DNAJA1: variants seen among roughly 807,000 people sequenced by gnomAD.
The protein encoded by DNAJA1 is DnaJ heat shock protein family (Hsp40) member A1, also known as dnaJ homolog subfamily A member 1.
Under a neutral mutation model 47.6 loss-of-function variants are expected in DNAJA1, and 26 were observed. The ratio of observed to expected loss-of-function variants is 0.55; its 90% CI spans 0.40 to 0.76. DNAJA1 has a LOEUF of 0.76. Among genes scored for constraint, DNAJA1 ranks in the 30% least tolerant of loss-of-function variants. The pLI, the probability that DNAJA1 is intolerant of heterozygous loss-of-function variation, is 0.00. For synonymous variants in DNAJA1, 165 were observed against 158.4 expected, an observed-to-expected ratio of 1.04 and a Z score of -0.31; for missense variants, 315 against 485.0, an observed-to-expected ratio of 0.65 and a Z score of 3.29.
At position 33,039,168 on chromosome 9, in the gene DNAJA1, G is replaced by A; in HGVS notation, c.*265G>A. 4.6e-6 allele frequency: 2 copies of A among 438,658 alleles called. No homozygotes were observed. 27.2% of individuals were successfully genotyped at this position (438,658 alleles called of 1,614,324 possible). A position where few individuals can be genotyped will look rare whatever the true frequency, so the allele number is the denominator to read the frequency against. On this transcript the variant is annotated 3_prime_UTR_variant, in exon 9 of 9. Coordinates refer to ENST00000330899, the MANE Select transcript of DNAJA1 (RefSeq NM_001539.4). ...CCCTAGCATTTCTAGGCCAAACCTTGTAATTGACTTCAGCTATGTACGTGG... is the reference window on the plus strand; with the variant it reads ...CCCTAGCATTTCTAGGCCAAACCTTATAATTGACTTCAGCTATGTACGTGG...
chr9:33,036,710 T>C, intron 7 of DNAJA1, 21 bp downstream of exon 7: 1 of 1,546,464 alleles, frequency 6.5e-7, no homozygotes, highest in Non-Finnish European at 8.9e-7. Flanking sequence ...TAGGCAAGCT[T>C]AAACTTCTCT....
At chr9:33,028,397 T>C (rs913673000) in intron 3 of DNAJA1, among the ~76,000 whole-genome samples, 1 of 152,156 alleles carries the variant, frequency 6.6e-6, no homozygotes, top group East Asian at 1.9e-4. Context: ...TCCAGTATAG[T>C]GTATACAAAT....
At chr9:33,026,408 C>T in intron 1 of DNAJA1, 67 bp from the exon 2 acceptor site, 1 of 1,550,460 alleles carries the variant, frequency 6.4e-7, no homozygotes. Flanking sequence ...ATTGCTCGGC[C>T]TTAGCTCTCT....
At chr9:33,028,290 T>C (rs1564012111) in intron 3 of DNAJA1, among the ~76,000 whole-genome samples, 1 of 152,200 alleles carries the variant, frequency 6.6e-6, no homozygotes, top group Non-Finnish European at 1.5e-5. Flanking sequence ...GTGTCAAAAT[T>C]ATGTATTTAA....
At position 33,038,961 on chromosome 9, in the gene DNAJA1, G is replaced by A; in HGVS notation, c.*58G>A. ...TAATGTGCAGTAGTGAATGAGTGAA[G>A]GACTGTAATCATAATATGCTCACTA... On this transcript the variant is annotated 3_prime_UTR_variant, in exon 9 of 9. Coordinates refer to ENST00000330899, the MANE Select transcript of DNAJA1 (RefSeq NM_001539.4). 1 of 1,438,160 alleles carries A rather than the reference G, an allele frequency of 7.0e-7. No individual in the cohort carries two copies. The highest frequency in any genetic ancestry group is 9.6e-7 in the Non-Finnish European group (1 of 1,044,136). 89.1% of individuals were successfully genotyped at this position (1,438,160 alleles called of 1,614,324 possible). A position where few individuals can be genotyped will look rare whatever the true frequency, so the allele number is the denominator to read the frequency against.
intron 5 of DNAJA1, among the ~76,000 whole-genome samples, chr9:33,031,310 C>T (rs946978412): frequency 2.6e-5 from 4 of 152,180 alleles, no homozygotes; most frequent in African/African-American, 7.2e-5. Flanking sequence ...GTTGGCCAGG[C>T]TGATCTCGAA....
chr9:33,030,747 C>A, intron 5 of DNAJA1, 80 bp downstream of exon 5: 2 of 1,218,608 alleles, frequency 1.6e-6, no homozygotes, highest in Non-Finnish European at 2.3e-6. Flanking sequence ...GTTTAAAAAT[C>A]ATTCTTAATT....
chr9:33,027,838 G>C (rs1184164461), intron 3 of DNAJA1, among the ~76,000 whole-genome samples: 1 of 151,470 alleles, frequency 6.6e-6, no homozygotes, highest in Admixed American at 6.6e-5. Flanking sequence ...CAACAAGAGT[G>C]AATCTCTGTC....
chr9:33,027,729 A>C (rs1838895196), intron 3 of DNAJA1, among the ~76,000 whole-genome samples: 1 of 151,956 alleles, frequency 6.6e-6, no homozygotes, highest in Non-Finnish European at 1.5e-5. Flanking sequence ...GGGCATCTGC[A>C]ATCCCAGCTC....
At position 33,039,560 on chromosome 9, in the gene DNAJA1, T is replaced by TAA. The variant is rs1019065931; in HGVS notation, c.*658_*659dup. 24 of 145,172 alleles carry TAA rather than the reference T, an allele frequency of 1.7e-4. No homozygotes were observed. Among genetic ancestry groups the TAA allele is most frequent in the African/African-American group, 4.9e-4 (20 of 40,468 alleles). 9.0% of individuals were successfully genotyped at this position (145,172 alleles called of 1,614,324 possible). On this transcript the variant is annotated 3_prime_UTR_variant, in exon 9 of 9. Transcript: ENST00000330899. ...TCATATATATATACATATATATATA[T>TAA]AATCTTGACCAGTCCTGGTCATTTG...
Position 33,026,793 on chromosome 9 carries a change from A to T in DNAJA1, c.133-20A>T, listed in dbSNP as rs770112813. On this transcript the variant is annotated intron_variant, in intron 2 of 8. Transcript: ENST00000330899. ...ACTTGTTTTTTAAAAAATGAAATTC[A>T]CTCCTCTTTTCTCAAACAGTTTAAA... The T allele has an allele frequency of 4.5e-5, 72 of 1,602,672 alleles. No homozygotes were observed. The highest frequency in any genetic ancestry group is 6.0e-5 in the Non-Finnish European group (71 of 1,175,736).
intron 4 of DNAJA1, 148 bp from the exon 5 acceptor site, chr9:33,030,292 G>C (rs1409716234): frequency 1.2e-5 from 9 of 736,284 alleles, no homozygotes; most frequent in Middle Eastern, 3.9e-4. Context: ...TCATTGGAAT[G>C]ATCTCATCAG....
At chr9:33,033,159 T>C (rs1315968996) in intron 5 of DNAJA1, among the ~76,000 whole-genome samples, 1 of 148,296 alleles carries the variant, frequency 6.7e-6, no homozygotes, top group Non-Finnish European at 1.5e-5. Flanking sequence ...GCACGAAGTC[T>C]CAGTTTAAAA....
intron 3 of DNAJA1, among the ~76,000 whole-genome samples, chr9:33,028,426 C>A (rs1450020187): frequency 6.6e-6 from 1 of 152,100 alleles, no homozygotes; most frequent in African/African-American, 2.4e-5. Flanking sequence ...ATGAGCAGAA[C>A]CAGTTTTAGA....
intron 5 of DNAJA1, among the ~76,000 whole-genome samples, chr9:33,031,859 C>T (rs1480141672): frequency 6.6e-6 from 1 of 152,144 alleles, no homozygotes; most frequent in African/African-American, 2.4e-5. Context: ...TTCCCTAACC[C>T]ATTGGGCTCC....
Position 33,038,706 on chromosome 9 carries a change from T to C in DNAJA1, c.997T>C (p.Phe333Leu), listed in dbSNP as rs780305363. Residue 333 changes from phenylalanine to leucine, a missense_variant, in exon 9 of 9, where the codon TTT becomes CTT. Around this residue, in one of 4 missense-constraint regions of DNAJA1, gnomAD observed 162 missense variants for 185.4 expected, o/e 0.87. Transcript: ENST00000330899. ...GAAGGTAAACTTTCCTGAGAATGGC[T>C]TTCTCTCTCCTGATAAACTGTCTTT... ...EFKVNFPENG[F>L]LSPDKLSLLE... 1 of 1,614,016 alleles carries C rather than the reference T, an allele frequency of 6.2e-7. No homozygotes were observed. Among genetic ancestry groups the C allele is most frequent in the Middle Eastern group, 1.6e-4 (1 of 6,062 alleles).
At position 33,026,478 on chromosome 9, in the gene DNAJA1, G is replaced by A; in HGVS notation, c.-7G>A. 1 of 1,602,782 alleles carries A rather than the reference G, an allele frequency of 6.2e-7. No homozygotes were observed. The highest frequency in any genetic ancestry group is 8.5e-7 in the Non-Finnish European group (1 of 1,177,334). ...AAGTTGCATTTTCTTATTTCAGGCA[G>A]TAGAAGATGGTGAAAGAAACAACTT... On this transcript the variant is annotated 5_prime_UTR_variant, in exon 2 of 9. Transcript: ENST00000330899.
At chr9:33,033,205 A>AT (rs1336340919) in intron 5 of DNAJA1, among the ~76,000 whole-genome samples, 1 of 151,212 alleles carries the variant, frequency 6.6e-6, no homozygotes, top group Non-Finnish European at 1.5e-5. Flanking sequence ...CCCTGTTAGA[A>AT]AATACTCCTC....
At chr9:33,026,216 G>A (rs1227258119) in intron 1 of DNAJA1, among the ~76,000 whole-genome samples, 2 of 152,248 alleles carry the variant, frequency 1.3e-5, no homozygotes, top group African/African-American at 4.8e-5. Context: ...TGTTATATTA[G>A]TATGGAAGCT....
Sources: gnomAD v4.1 joint callset for allele counts (sites outside exome capture counted in the v4.1 genomes callset) on GRCh38, gnomAD v4.1.1 for gene constraint, gnomAD v4.1.1 regional missense constraint, MANE v1.5 for transcripts, NCBI Gene and HGNC (gene_info 2026-07-23, HGNC 2026-07-21) for gene names.